The following RBKS variants were observed in gnomAD, a reference collection of about 807,000 sequenced individuals.
RBKS encodes the protein ribokinase.
A neutral mutation model predicts 33.9 loss-of-function variants in RBKS; 33 were observed. That is an observed-to-expected ratio of 0.97 (90% CI 0.74 to 1.30). RBKS has a LOEUF of 1.30. Ranked by LOEUF, RBKS falls within the 50% of genes most tolerant of loss-of-function variation. The probability of loss-of-function intolerance (pLI) is 0.00; values close to 1 mark genes in which losing one functional copy is unlikely to be tolerated. For synonymous variants in RBKS, 125 were observed against 143.0 expected, an observed-to-expected ratio of 0.87 and a Z score of 0.90; for missense variants, 361 against 392.6, an observed-to-expected ratio of 0.92 and a Z score of 0.68.
intron 2 of RBKS, among the ~76,000 whole-genome samples, chr2:27,849,559 CAAA>C (rs70953894): frequency 3.5e-5 from 1 of 28,596 alleles, no homozygotes; most frequent in African/African-American, 1.0e-4. Context: ...GACTCTGTCT[CAAA>C]AAAAAAAAAA....
rs1313798301 is a variant in RBKS, at chr2:27,795,644, C to T, written c.796-13856G>A. Among the ~76,000 whole-genome samples the T allele has an allele frequency of 6.6e-6, 1 of 152,140 alleles. No individual in the cohort carries two copies. Among genetic ancestry groups the T allele is most frequent in the African/African-American group, 2.4e-5 (1 of 41,418 alleles). On this transcript the variant is annotated intron_variant, in intron 7 of 7. Transcript: ENST00000302188. The surrounding 1 kb of genome is among the most constrained non-coding windows in gnomAD (Gnocchi z 4.1). Reference sequence around the variant, plus strand: ...GTCTCAGAAACATCCAGTCATTTGTCCAGAGTCACAGAGCTGGTAAATGGC... The same window carrying T: ...GTCTCAGAAACATCCAGTCATTTGTTCAGAGTCACAGAGCTGGTAAATGGC...
At chr2:27,870,153 G>C (rs559332296) in intron 1 of RBKS, 15 of 152,420 alleles carry the variant, frequency 9.8e-5, no homozygotes, top group African/African-American at 3.4e-4. Flanking sequence ...TGCACCAGCT[G>C]GGGGAAAGAA....
At chr2:27,873,795 G>T (rs1357277853) in intron 1 of RBKS, among the ~76,000 whole-genome samples, 2 of 151,866 alleles carry the variant, frequency 1.3e-5, no homozygotes, top group Non-Finnish European at 2.9e-5. Context: ...TGAGAGACAA[G>T]CCAGTACCTA....
Position 27,840,392 on chromosome 2 carries a change from A to G in RBKS, c.514+2675T>C, listed in dbSNP as rs1273035659. Among the ~76,000 whole-genome samples, 6 of 149,100 alleles carry G rather than the reference A, an allele frequency of 4.0e-5. No individual in the cohort carries two copies. In the East Asian group the frequency reaches 1.2e-3, roughly 29 times the overall value. ...CACACACACACACACACACACACAC[A>G]CACCCTCCTCATGGAATAGAATCTA... On this transcript the variant is annotated intron_variant, in intron 5 of 7. Transcript: ENST00000302188.
chr2:27,799,052 C>A (rs934318792), intron 7 of RBKS, among the ~76,000 whole-genome samples: 2 of 152,090 alleles, frequency 1.3e-5, no homozygotes, highest in Admixed American at 1.3e-4. Flanking sequence ...AGGCACTGAC[C>A]GAACCAAGAA....
intron 7 of RBKS, among the ~76,000 whole-genome samples, chr2:27,796,004 T>C (rs1677659027): frequency 6.6e-6 from 1 of 152,218 alleles, no homozygotes; most frequent in East Asian, 1.9e-4. Flanking sequence ...TATCATGTTC[T>C]TCTCTTCCCA....
At chr2:27,814,018 G>A (rs141011205) in intron 7 of RBKS, among the ~76,000 whole-genome samples, 1 of 152,128 alleles carries the variant, frequency 6.6e-6, no homozygotes, top group East Asian at 1.9e-4. Flanking sequence ...CCAGGAAGGA[G>A]TATAAGACAA....
intron 7 of RBKS, among the ~76,000 whole-genome samples, chr2:27,800,922 C>T (rs1028170661): frequency 1.3e-5 from 2 of 152,070 alleles, no homozygotes; most frequent in South Asian, 4.1e-4. Context: ...TTGGGGAGGA[C>T]GTGCAGAGGG....
At chr2:27,836,482 T>C (rs1261560342) in intron 5 of RBKS, among the ~76,000 whole-genome samples, 1 of 152,140 alleles carries the variant, frequency 6.6e-6, no homozygotes, top group Non-Finnish European at 1.5e-5. Flanking sequence ...TTTCACCATA[T>C]ACAAAAATTA....
chr2:27,890,258 T>C lies in RBKS; in HGVS notation c.88A>G (p.Ser30Gly). 1 of 1,613,578 alleles carries C rather than the reference T, an allele frequency of 6.2e-7. No homozygotes were observed. The highest frequency in any genetic ancestry group is 8.5e-7 in the Non-Finnish European group (1 of 1,179,932). The change falls in exon 1 of 8, where the codon AGT becomes GGT. Residue 30 changes from serine (S) to glycine (G), a missense_variant and splice_region_variant. Coordinates refer to ENST00000302188, the MANE Select transcript of RBKS (RefSeq NM_022128.3). This position sits in a 1 kb window ranked among gnomAD's most constrained non-coding sequence, Gnocchi z 4.8. Reference protein sequence around the residue: ...VVGSCMTDLVSLTSRLPKTGE... With the variant: ...VVGSCMTDLVGLTSRLPKTGE... Reference sequence around the variant, plus strand: ...CTGAGTAACTGGCCCCGGACTAACCTGACCAGGTCGGTCATGCAGGAGCCC... The same window carrying C: ...CTGAGTAACTGGCCCCGGACTAACCCGACCAGGTCGGTCATGCAGGAGCCC...
intron 1 of RBKS, among the ~76,000 whole-genome samples, chr2:27,866,990 G>C (rs923946916): frequency 7.2e-5 from 11 of 151,750 alleles, no homozygotes; most frequent in African/African-American, 2.7e-4. Context: ...TGTGGTCGCA[G>C]CTACTTGGGA....
intron 7 of RBKS, among the ~76,000 whole-genome samples, chr2:27,811,206 C>T (rs1426362256): frequency 6.6e-6 from 1 of 152,206 alleles, no homozygotes; most frequent in Non-Finnish European, 1.5e-5. Context: ...CTGGGCTCCT[C>T]AGGCTAGGTG....
Position 27,827,747 on chromosome 2 carries a change from A to T in RBKS, c.615T>A (p.Ile205=). Residue 205 remains isoleucine (I), a synonymous_variant, in exon 7 of 8, where the codon ATT becomes ATA. Transcript: ENST00000302188. ...VFCCNESEAE[I]LTGLTVGSAA... The stretch of plus-strand genomic sequence containing the variant: ...CGCTGCCCACCGTGAGGCCAGTTAA[A>T]ATCTCAGCCTAGAATACACAAAAGT... The T allele has an allele frequency of 8.7e-6, 14 of 1,601,362 alleles. No homozygotes were observed. Among genetic ancestry groups the T allele is most frequent in the Non-Finnish European group, 1.2e-5 (14 of 1,175,764 alleles).
intron 5 of RBKS, among the ~76,000 whole-genome samples, chr2:27,840,532 CGTGTGT>C (rs1183658348): frequency 6.6e-6 from 1 of 151,294 alleles, no homozygotes; most frequent in Admixed American, 6.6e-5. Context: ...CATGTGTGTT[CGTGTGT>C]GTGTGTGTAA....
At chr2:27,848,250 T>C (rs973147476) in intron 2 of RBKS, among the ~76,000 whole-genome samples, 153 bp from the exon 3 acceptor site, 2 of 152,226 alleles carry the variant, frequency 1.3e-5, no homozygotes, top group African/African-American at 2.4e-5. Flanking sequence ...ATGCTAGACT[T>C]GATTGCAGCC....
At chr2:27,859,870 A>C (rs976437637) in intron 1 of RBKS, among the ~76,000 whole-genome samples, 1 of 152,234 alleles carries the variant, frequency 6.6e-6, no homozygotes, top group African/African-American at 2.4e-5. Context: ...CAGAGCAATG[A>C]CAAGTCCTAA....
At chr2:27,848,152 A>G (rs1663660457) in intron 2 of RBKS, 55 bp from the exon 3 acceptor site, 1 of 1,044,660 alleles carries the variant, frequency 9.6e-7, no homozygotes, top group Non-Finnish European at 1.4e-6. Flanking sequence ...AAATGCTACA[A>G]TGTAGTTTTT....
At chr2:27,879,323 T>G (rs1011244846) in intron 1 of RBKS, among the ~76,000 whole-genome samples, 1 of 152,180 alleles carries the variant, frequency 6.6e-6, no homozygotes, top group African/African-American at 2.4e-5. Context: ...GTTTGTTCCC[T>G]CCTAAACTCC....
chr2:27,838,130 G>A (rs779614558), intron 5 of RBKS, among the ~76,000 whole-genome samples: 2 of 152,132 alleles, frequency 1.3e-5, no homozygotes, highest in Non-Finnish European at 2.9e-5. Flanking sequence ...AATATGGGAG[G>A]TGGAGGCTGC....
Sources: allele counts gnomAD v4.1 joint callset (sites outside exome capture counted in the v4.1 genomes callset), GRCh38; gene constraint gnomAD v4.1.1; non-coding constraint Gnocchi (gnomAD v3.1); transcripts MANE v1.5; gene names NCBI Gene and HGNC (gene_info 2026-07-23, HGNC 2026-07-21).